The following RBFOX1 variants were observed in gnomAD, a reference collection of about 807,000 sequenced individuals.
RBFOX1 encodes the protein RNA binding protein fox-1 homolog 1.
RBFOX1 carries 8 observed loss-of-function variants against 57.7 expected under a neutral mutation model. The observed-to-expected ratio is 0.14, with a 90% confidence interval of 0.08 to 0.25. RBFOX1 has a LOEUF of 0.25. Ranked by LOEUF, RBFOX1 falls within the 10% of genes least tolerant of loss-of-function variation. RBFOX1 has a pLI of 1.00. For missense variants in RBFOX1, 611 were observed against 548.5 expected, an observed-to-expected ratio of 1.11 and a Z score of -1.14; for synonymous variants, 326 against 222.4, an observed-to-expected ratio of 1.47 and a Z score of -4.15.
At chr16:6,488,455 A>T (rs2095554456) in intron 2 of RBFOX1, among the ~76,000 whole-genome samples, 1 of 152,184 alleles carries the variant, frequency 6.6e-6, no homozygotes, top group African/African-American at 2.4e-5. Context: ...TGTGCATCAG[A>T]CATTGGACGA....
intron 4 of RBFOX1, among the ~76,000 whole-genome samples, chr16:5,874,160 T>G (rs1350092912): frequency 6.6e-6 from 1 of 152,196 alleles, no homozygotes; most frequent in Non-Finnish European, 1.5e-5. Flanking sequence ...ATTAGTGTCC[T>G]TAACAGCAGC....
chr16:6,131,753 GA>G (rs1474595563), intron 1 of RBFOX1, among the ~76,000 whole-genome samples: 1 of 152,160 alleles, frequency 6.6e-6, no homozygotes, highest in East Asian at 1.9e-4. Flanking sequence ...TGGAAAGTGA[GA>G]AAAATTCCTT....
At chr16:5,556,314 G>A (rs1019586532) in intron 2 of RBFOX1, among the ~76,000 whole-genome samples, 1 of 152,170 alleles carries the variant, frequency 6.6e-6, no homozygotes, top group Non-Finnish European at 1.5e-5. Context: ...GGTGGTATTC[G>A]TGATTGGCTC....
intron 4 of RBFOX1, among the ~76,000 whole-genome samples, chr16:7,517,823 C>CAAA (rs35825566): frequency 1.0e-4 from 13 of 124,922 alleles, no homozygotes; most frequent in East Asian, 8.7e-4. Context: ...AAGGATCTGC[C>CAAA]AAAAAAAAAA....
At chr16:6,598,561 C>A (rs746409690) in intron 2 of RBFOX1, among the ~76,000 whole-genome samples, 6 of 152,118 alleles carry the variant, frequency 3.9e-5, no homozygotes, top group Non-Finnish European at 8.8e-5. Flanking sequence ...ACATGAGAAA[C>A]ACTTTAAAAG....
chr16:7,115,053 A>T (rs1462487214), intron 4 of RBFOX1, among the ~76,000 whole-genome samples: 1 of 152,178 alleles, frequency 6.6e-6, no homozygotes, highest in Non-Finnish European at 1.5e-5. Context: ...CAACTCACTG[A>T]GTTTGTGTTT....
intron 3 of RBFOX1, among the ~76,000 whole-genome samples, chr16:6,695,687 A>G (rs1341402357): frequency 6.6e-6 from 1 of 152,190 alleles, no homozygotes; most frequent in African/African-American, 2.4e-5. Flanking sequence ...CTCCATAGAT[A>G]TTTGTCAAGA....
At chr16:6,701,041 G>A (rs112640033) in intron 3 of RBFOX1, among the ~76,000 whole-genome samples, 7 of 152,192 alleles carry the variant, frequency 4.6e-5, no homozygotes, top group South Asian at 4.2e-4. Flanking sequence ...GCAGAGGGGG[G>A]GGTGAGTCAG....
At chr16:7,075,635 C>T (rs2058149141) in intron 4 of RBFOX1, among the ~76,000 whole-genome samples, 1 of 152,044 alleles carries the variant, frequency 6.6e-6, no homozygotes, top group Non-Finnish European at 1.5e-5. Context: ...GGCTGGAGTG[C>T]AGTGGTGCGA....
chr16:5,482,029 C>T (rs1382710657), intron 2 of RBFOX1, among the ~76,000 whole-genome samples: 1 of 152,282 alleles, frequency 6.6e-6, no homozygotes, highest in East Asian at 1.9e-4. Context: ...CAGTTCAGCC[C>T]ATAACAGCCT....
intron 5 of RBFOX1, among the ~76,000 whole-genome samples, chr16:7,547,047 C>T (rs2084754085): frequency 6.6e-6 from 1 of 151,796 alleles, no homozygotes; most frequent in African/African-American, 2.4e-5. Context: ...AGTGTCCTGT[C>T]TCCTGCACTC....
rs143235729 is a variant in RBFOX1 at position 5,722,539 on chromosome 16, C to T, written c.318+123578C>T. ...GGGGATCAAGGGGGGCATTCAAAGA[C>T]ACCTGAGACCTGTATTGACCCTCAG... is the stretch of plus-strand genomic sequence containing the variant. On this transcript the variant is annotated intron_variant, in intron 3 of 19. Transcript: ENST00000641259. 3.1e-4 allele frequency among the ~76,000 whole-genome samples: 47 copies of T among 152,294 alleles called. 1 individual carries two copies. Among genetic ancestry groups the T allele is most frequent in the African/African-American group, 9.1e-4 (38 of 41,556 alleles).
At chr16:7,332,710 A>G (rs2096714456) in intron 4 of RBFOX1, 1 of 1,098,288 alleles carries the variant, frequency 9.1e-7, no homozygotes, top group Non-Finnish European at 1.2e-6. Context: ...AATGAAGAGT[A>G]TTTGGTTAGT....
chr16:7,068,239 G>T (rs915783040), intron 4 of RBFOX1, among the ~76,000 whole-genome samples: 4 of 152,114 alleles, frequency 2.6e-5, no homozygotes, highest in Non-Finnish European at 4.4e-5. Context: ...AGCCAAGATT[G>T]TCGGTCCAAA....
At chr16:5,816,906 G>A (rs908409050) in intron 3 of RBFOX1, among the ~76,000 whole-genome samples, 1 of 152,124 alleles carries the variant, frequency 6.6e-6, no homozygotes, top group Non-Finnish European at 1.5e-5. Flanking sequence ...TATTTATGGA[G>A]TACCTGAGAT....
At chr16:6,945,965 A>G (rs1183628005) in intron 3 of RBFOX1, among the ~76,000 whole-genome samples, 1 of 152,188 alleles carries the variant, frequency 6.6e-6, no homozygotes, top group Non-Finnish European at 1.5e-5. Flanking sequence ...ATTCTGCCTC[A>G]ATTTCCACAA....
chr16:6,288,735 G>A (rs1327202377), intron 1 of RBFOX1, among the ~76,000 whole-genome samples: 1 of 152,084 alleles, frequency 6.6e-6, no homozygotes, highest in African/African-American at 2.4e-5. Flanking sequence ...CTGAAGCAAG[G>A]TCTTAGGTCT....
intron 3 of RBFOX1, among the ~76,000 whole-genome samples, chr16:5,789,813 C>G (rs1239825522): frequency 6.6e-6 from 1 of 152,178 alleles, no homozygotes; most frequent in Non-Finnish European, 1.5e-5. Context: ...TTCTAACCGC[C>G]AGGCCAACCT....
Position 7,694,962 on chromosome 16 carries a change from A to C in RBFOX1, c.996-14094A>C, listed in dbSNP as rs540752207. ...GGACATCTTAGATCAAACATGAAAA[A>C]GATATTGATTTTGCCCCGTGACTTA... On this transcript the variant is annotated intron_variant, in intron 14 of 15. Coordinates refer to ENST00000550418, the MANE Select transcript of RBFOX1 (RefSeq NM_018723.4). Among the ~76,000 whole-genome samples the C allele has an allele frequency of 3.9e-5, 6 of 152,330 alleles. No individual in the cohort carries two copies. The South Asian group carries it at 1.2e-3, about 32-fold the overall frequency.
Sources: gnomAD v4.1 joint callset for allele counts (sites outside exome capture counted in the v4.1 genomes callset) on GRCh38, gnomAD v4.1.1 for gene constraint, MANE v1.5 for transcripts, NCBI Gene and HGNC (gene_info 2026-07-23, HGNC 2026-07-21) for gene names.